Variants in PTPRM observed in about 807,000 individuals in gnomAD.
PTPRM encodes receptor-type tyrosine-protein phosphatase mu.
A neutral mutation model predicts 186.7 loss-of-function variants in PTPRM; 47 were observed. The ratio of observed to expected loss-of-function variants is 0.25; its 90% CI spans 0.20 to 0.32. The LOEUF (loss-of-function observed/expected upper bound fraction) is 0.32, where lower values mean the gene tolerates loss of function less well. PTPRM is among the 10% of genes least tolerant of loss of function. The pLI is 1.00. For missense variants in PTPRM, 1,494 were observed against 1,865.0 expected (o/e 0.80, Z 3.66); for synonymous variants, 668 against 674.9 (o/e 0.99, Z 0.16).
chr18:8,300,163 G>T (rs2095141033), intron 20 of PTPRM, among the ~76,000 whole-genome samples: 1 of 152,174 alleles, frequency 6.6e-6, no homozygotes, highest in Non-Finnish European at 1.5e-5. Context: ...AATAAATGGA[G>T]AATGTGTTGT....
chr18:7,844,431 T>A (rs1459743966), intron 2 of PTPRM, among the ~76,000 whole-genome samples: 2 of 152,164 alleles, frequency 1.3e-5, no homozygotes, highest in African/African-American at 4.8e-5. Context: ...ATATAGATCT[T>A]AGTCTGAAGA....
chr18:8,100,720 G>A (rs918951239), intron 11 of PTPRM, among the ~76,000 whole-genome samples: 2 of 152,144 alleles, frequency 1.3e-5, no homozygotes, highest in African/African-American at 4.8e-5. Flanking sequence ...TCACAGCCTG[G>A]TCAGAAGGAT....
intron 1 of PTPRM, among the ~76,000 whole-genome samples, chr18:7,580,516 T>C (rs1361023014): frequency 6.6e-6 from 1 of 152,236 alleles, no homozygotes; most frequent in Non-Finnish European, 1.5e-5. Flanking sequence ...TTAAGGCCTG[T>C]GGCTTTCTTC....
At chr18:7,634,525 A>G (rs2144112123) in intron 1 of PTPRM, among the ~76,000 whole-genome samples, 1 of 152,288 alleles carries the variant, frequency 6.6e-6, no homozygotes, top group African/African-American at 2.4e-5. Context: ...TTAAAGGTCT[A>G]TTCCTTATCT....
intron 2 of PTPRM, among the ~76,000 whole-genome samples, chr18:7,845,643 C>T (rs1435679446): frequency 6.6e-6 from 1 of 152,154 alleles, no homozygotes; most frequent in Admixed American, 6.6e-5. Context: ...TTATGGACAA[C>T]ATTCCCTGTT....
intron 7 of PTPRM, among the ~76,000 whole-genome samples, chr18:8,034,631 A>C (rs561677664): frequency 6.6e-6 from 1 of 152,202 alleles, no homozygotes; most frequent in Admixed American, 6.5e-5. Flanking sequence ...TAAGAATAAT[A>C]CTCTGTGGCC....
intron 31 of PTPRM, among the ~76,000 whole-genome samples, chr18:8,389,534 T>C (rs539420811): frequency 9.8e-5 from 15 of 152,314 alleles, no homozygotes; most frequent in Admixed American, 8.5e-4. Context: ...TCTTCCCATT[T>C]TCCACTGAGA....
intron 2 of PTPRM, among the ~76,000 whole-genome samples, chr18:7,794,155 C>G (rs2043482569): frequency 6.6e-6 from 1 of 152,210 alleles, no homozygotes; most frequent in African/African-American, 2.4e-5. Context: ...TCTGATTCTT[C>G]CGGTACACTA....
chr18:8,185,412 C>T (rs887549703), intron 14 of PTPRM, among the ~76,000 whole-genome samples: 1 of 152,204 alleles, frequency 6.6e-6, no homozygotes, highest in African/African-American at 2.4e-5. Context: ...AAGCTGATCA[C>T]CTTGCTCGGG....
intron 1 of PTPRM, among the ~76,000 whole-genome samples, chr18:7,639,831 T>C (rs559078448): frequency 2.0e-5 from 3 of 152,244 alleles, no homozygotes; most frequent in Non-Finnish European, 4.4e-5. Flanking sequence ...ATAGAATATT[T>C]TTTACATTAG....
Position 8,406,391 on chromosome 18 carries a change from C to G in PTPRM, c.*229C>G. On this transcript the variant is annotated 3_prime_UTR_variant, in exon 33 of 33. Transcript: ENST00000580170. ...ACAGCCACAGTTGCCAAATCCCGTA[C>G]TCCTTGCCACCGGCTTCCTAGAGCA... 1 of 534,494 alleles carries G rather than the reference C, an allele frequency of 1.9e-6. No homozygotes were observed. Among genetic ancestry groups the G allele is most frequent in the Non-Finnish European group, 3.3e-6 (1 of 300,764 alleles). The allele number at this position is 534,494 out of a possible 1,614,324, so 33.1% of individuals were successfully genotyped here.
chr18:8,400,373 C>T (rs566475654), intron 32 of PTPRM, among the ~76,000 whole-genome samples: 13 of 152,340 alleles, frequency 8.5e-5, no homozygotes, highest in African/African-American at 1.4e-4. Flanking sequence ...CTGCTCTAGA[C>T]GCAGTATCAG....
chr18:7,575,739 A>G (rs1382617945), intron 1 of PTPRM, among the ~76,000 whole-genome samples: 1 of 152,178 alleles, frequency 6.6e-6, no homozygotes, highest in Non-Finnish European at 1.5e-5. Context: ...CATCTTTAGG[A>G]CATGGCTTGT....
chr18:7,766,175 G>T (rs1416231735), intron 1 of PTPRM, among the ~76,000 whole-genome samples: 2 of 152,160 alleles, frequency 1.3e-5, no homozygotes, highest in Non-Finnish European at 2.9e-5. Flanking sequence ...TGCTAGTCCT[G>T]CACTGAAGCT....
At chr18:7,852,826 T>C (rs1219795587) in intron 2 of PTPRM, among the ~76,000 whole-genome samples, 1 of 152,134 alleles carries the variant, frequency 6.6e-6, no homozygotes, top group Middle Eastern at 3.2e-3. Flanking sequence ...ATCACACCAC[T>C]GTACTCCAGC....
At chr18:7,751,381 A>G (rs2041208828) in intron 1 of PTPRM, 1 of 152,024 alleles carries the variant, frequency 6.6e-6, no homozygotes, top group African/African-American at 2.4e-5. Context: ...CACATATTTA[A>G]CTTGCTTGGA....
intron 26 of PTPRM, chr18:8,377,429 T>C (rs1379094040): frequency 6.6e-6 from 1 of 152,190 alleles, no homozygotes; most frequent in Non-Finnish European, 1.5e-5. Flanking sequence ...ATAATAATCG[T>C]AATAATTTAT....
At chr18:7,650,214 A>C (rs550313670) in intron 1 of PTPRM, among the ~76,000 whole-genome samples, 92 of 152,214 alleles carry the variant, frequency 6.0e-4, no homozygotes, top group African/African-American at 2.1e-3. Context: ...TCATATCTTC[A>C]AGGGGCCCTG....
intron 1 of PTPRM, chr18:7,755,274 C>T (rs929792249): frequency 6.6e-6 from 1 of 151,746 alleles, no homozygotes; most frequent in Non-Finnish European, 1.5e-5. Flanking sequence ...TCAAAGTAGG[C>T]TCTATTGGAG....
Sources: allele counts gnomAD v4.1 joint callset (sites outside exome capture counted in the v4.1 genomes callset), GRCh38; gene constraint gnomAD v4.1.1; transcripts MANE v1.5; gene names NCBI Gene and HGNC (gene_info 2026-07-23, HGNC 2026-07-21).